The following NBAS variants were observed in gnomAD, a reference collection of about 807,000 sequenced individuals.
NBAS encodes the protein NAG/BC035112 fusion.
NBAS carries 219 observed loss-of-function variants against 302.5 expected under a neutral mutation model. That is an observed-to-expected ratio of 0.72 (90% CI 0.65 to 0.81). NBAS has a LOEUF of 0.81. Among genes scored for constraint, NBAS ranks in the 30% least tolerant of loss-of-function variants. The pLI, the probability that NBAS is intolerant of heterozygous loss-of-function variation, is 0.00. For missense variants in NBAS, 2,932 were observed against 2,841.6 expected (o/e 1.03, Z -0.72); for synonymous variants, 1,118 against 1,021.6 (o/e 1.09, Z -1.80).
intron 9 of NBAS, among the ~76,000 whole-genome samples, chr2:15,521,200 T>C (rs926411095): frequency 6.6e-6 from 1 of 152,182 alleles, no homozygotes; most frequent in Non-Finnish European, 1.5e-5. Context: ...ACTGCAATCT[T>C]AACAGTACCT....
the NBAS span, among the ~76,000 whole-genome samples, chr2:14,836,371 T>C: frequency 6.6e-6 from 1 of 151,862 alleles, no homozygotes; most frequent in Admixed American, 6.6e-5. Context: ...ACCCCAAAGA[T>C]AGAAGATATT....
chr2:15,286,177 T>C (rs1479690865), intron 42 of NBAS, among the ~76,000 whole-genome samples: 10 of 152,286 alleles, frequency 6.6e-5, no homozygotes, highest in Middle Eastern at 3.4e-3. Context: ...TAAAACCCAT[T>C]CTGGCCTGCC....
intron 47 of NBAS, among the ~76,000 whole-genome samples, chr2:15,232,033 T>A (rs1338333099): frequency 6.6e-6 from 1 of 152,134 alleles, no homozygotes; most frequent in African/African-American, 2.4e-5. Context: ...TTATACAAAG[T>A]TTTTTTGTTT....
At chr2:14,989,327 TTA>T in the NBAS span, among the ~76,000 whole-genome samples, 1 of 90,854 alleles carries the variant, frequency 1.1e-5, no homozygotes, top group African/African-American at 4.1e-5. Context: ...GTGTATAACT[TTA>T]TATATATATC....
the NBAS span, among the ~76,000 whole-genome samples, chr2:14,967,631 TCTCTGTGG>T: frequency 6.6e-6 from 1 of 152,180 alleles, no homozygotes; most frequent in Non-Finnish European, 1.5e-5. Context: ...TAGGATTAAA[TCTCTGTGG>T]CCTTGGGTTA....
the NBAS span, among the ~76,000 whole-genome samples, chr2:14,946,859 A>G: frequency 2.6e-5 from 4 of 152,240 alleles, no homozygotes; most frequent in Non-Finnish European, 5.9e-5. Flanking sequence ...AAAAAAATCA[A>G]TAACAAGAGA....
At chr2:14,878,009 T>C in the NBAS span, among the ~76,000 whole-genome samples, 7 of 152,186 alleles carry the variant, frequency 4.6e-5, no homozygotes, top group Non-Finnish European at 1.0e-4. Context: ...ATACTGTACC[T>C]GCCAGCGCAT....
chr2:14,926,233 T>A, the NBAS span, among the ~76,000 whole-genome samples: 1 of 152,132 alleles, frequency 6.6e-6, no homozygotes, highest in African/African-American at 2.4e-5. Context: ...GGAACAGAGA[T>A]CACACCTACC....
the NBAS span, among the ~76,000 whole-genome samples, chr2:14,783,094 C>A: frequency 6.6e-6 from 1 of 151,976 alleles, no homozygotes; most frequent in Non-Finnish European, 1.5e-5. Flanking sequence ...TGCACATGTA[C>A]CCCTGAACCG....
chr2:14,980,216 A>G, the NBAS span, among the ~76,000 whole-genome samples: 1 of 152,106 alleles, frequency 6.6e-6, no homozygotes, highest in South Asian at 2.1e-4. Flanking sequence ...ATGCCTGGTC[A>G]GGCCCCCAGC....
At chr2:15,027,499 A>G in the NBAS span, among the ~76,000 whole-genome samples, 1 of 152,090 alleles carries the variant, frequency 6.6e-6, no homozygotes, top group Non-Finnish European at 1.5e-5. Context: ...TAGCCACTTT[A>G]CCATATTCTC....
chr2:14,882,982 T>G, the NBAS span, among the ~76,000 whole-genome samples: 2 of 152,202 alleles, frequency 1.3e-5, no homozygotes, highest in Non-Finnish European at 2.9e-5. Context: ...CTGGTGATAT[T>G]TGCCCACATA....
At chr2:14,866,170 C>T in the NBAS span, among the ~76,000 whole-genome samples, 1 of 152,082 alleles carries the variant, frequency 6.6e-6, no homozygotes, top group Non-Finnish European at 1.5e-5. Flanking sequence ...TGGTCCTTCC[C>T]ACTCCATTAT....
intron 21 of NBAS, among the ~76,000 whole-genome samples, chr2:15,435,889 T>C (rs1677986533): frequency 6.6e-6 from 1 of 152,206 alleles, no homozygotes; most frequent in Admixed American, 6.5e-5. Context: ...CTCTGATAAA[T>C]ACCCCTTTGT....
chr2:15,015,890 CA>C, the NBAS span, among the ~76,000 whole-genome samples: 2,263 of 150,558 alleles, frequency 0.015, 66 homozygotes, highest in African/African-American at 0.053. Flanking sequence ...AAGACTCTAC[CA>C]AAAAAAAACT....
chr2:15,430,832 A>T (rs1677728999), intron 21 of NBAS, among the ~76,000 whole-genome samples: 1 of 151,726 alleles, frequency 6.6e-6, no homozygotes, highest in Admixed American at 6.6e-5. Flanking sequence ...TTTGAGATGG[A>T]GTCTCGCTCG....
the NBAS span, among the ~76,000 whole-genome samples, chr2:14,961,009 G>A: frequency 4.6e-5 from 7 of 152,038 alleles, no homozygotes; most frequent in Admixed American, 2.0e-4. Flanking sequence ...TCTGTGAGGC[G>A]GCCATCAATA....
chr2:15,001,964 T>C, the NBAS span, among the ~76,000 whole-genome samples: 1 of 152,154 alleles, frequency 6.6e-6, no homozygotes, highest in African/African-American at 2.4e-5. Flanking sequence ...AGCCTGCTTT[T>C]ATTCTCTTCT....
chr2:15,113,054 G>A, the NBAS span, among the ~76,000 whole-genome samples: 1 of 152,046 alleles, frequency 6.6e-6, no homozygotes, highest in African/African-American at 2.4e-5. Context: ...AAGAGCATAT[G>A]CAATTTAAAA....
Sources: allele counts gnomAD v4.1 joint callset (sites outside exome capture counted in the v4.1 genomes callset), GRCh38; gene constraint gnomAD v4.1.1; transcripts MANE v1.5; gene names NCBI Gene and HGNC (gene_info 2026-07-23, HGNC 2026-07-21).